The following SNTG1 variants were observed in gnomAD, a reference collection of about 807,000 sequenced individuals.
SNTG1 encodes syntrophin gamma 1.
A neutral mutation model predicts 74.7 loss-of-function variants in SNTG1; 39 were observed. That is an observed-to-expected ratio of 0.52 (90% confidence interval 0.40 to 0.68). SNTG1 has a LOEUF of 0.68. Among genes scored for constraint, SNTG1 ranks in the 30% least tolerant of loss-of-function variants. SNTG1 has a pLI of 0.00. For synonymous variants in SNTG1, 254 were observed against 217.1 expected, an observed-to-expected ratio of 1.17 and a Z score of -1.49; for missense variants, 685 against 609.5, an observed-to-expected ratio of 1.12 and a Z score of -1.30.
chr8:50,584,378 A>G (rs1350689759), intron 12 of SNTG1, among the ~76,000 whole-genome samples: 1 of 151,998 alleles, frequency 6.6e-6, no homozygotes, highest in East Asian at 1.9e-4. Flanking sequence ...TTACCGTCCC[A>G]CCAACAGCGT....
intron 1 of SNTG1, among the ~76,000 whole-genome samples, chr8:50,047,764 G>T (rs2130858081): frequency 6.6e-6 from 1 of 152,260 alleles, no homozygotes; most frequent in Middle Eastern, 3.4e-3. Context: ...ATAACAACCT[G>T]GGGGTGTCAC....
intron 1 of SNTG1, among the ~76,000 whole-genome samples, chr8:49,943,114 G>A (rs1301350988): frequency 6.6e-6 from 1 of 151,978 alleles, no homozygotes; most frequent in Non-Finnish European, 1.5e-5. Flanking sequence ...TTATTTTGTT[G>A]CTCAATATGT....
At chr8:49,962,390 A>G (rs1287977741) in intron 1 of SNTG1, among the ~76,000 whole-genome samples, 1 of 151,754 alleles carries the variant, frequency 6.6e-6, no homozygotes, top group African/African-American at 2.4e-5. Flanking sequence ...TGAGTAACAC[A>G]CACATACATG....
At chr8:50,421,056 G>GGGGGC (rs1554520683) in intron 4 of SNTG1, among the ~76,000 whole-genome samples, 1 of 116,882 alleles carries the variant, frequency 8.6e-6, no homozygotes, top group African/African-American at 3.0e-5. Context: ...CGGGGGAGGG[G>GGGGGC]GGGGCGAAGA....
chr8:50,207,544 G>T (rs905077546), intron 2 of SNTG1, among the ~76,000 whole-genome samples: 1 of 151,912 alleles, frequency 6.6e-6, no homozygotes, highest in Admixed American at 6.6e-5. Flanking sequence ...TTTTTGAAGG[G>T]TTTTTTTGTG....
At chr8:50,225,118 C>T (rs2085261783) in intron 2 of SNTG1, among the ~76,000 whole-genome samples, 1 of 152,000 alleles carries the variant, frequency 6.6e-6, no homozygotes. Context: ...CTACAGGCGC[C>T]CACCACCACG....
chr8:50,354,038 G>C (rs1426470439), intron 2 of SNTG1, among the ~76,000 whole-genome samples: 2 of 152,194 alleles, frequency 1.3e-5, no homozygotes, highest in Non-Finnish European at 2.9e-5. Context: ...GGGCAGACCA[G>C]TGAACTATTC....
chr8:50,154,076 A>G (rs1488654043), intron 1 of SNTG1, among the ~76,000 whole-genome samples: 2 of 151,856 alleles, frequency 1.3e-5, no homozygotes, highest in Non-Finnish European at 2.9e-5. Context: ...AGGCTGCTTT[A>G]TTTACCTACT....
chr8:50,669,700 C>G (rs895822003), intron 15 of SNTG1, among the ~76,000 whole-genome samples: 2 of 152,162 alleles, frequency 1.3e-5, no homozygotes, highest in Admixed American at 6.6e-5. Context: ...ATGAGGCCAG[C>G]ATCATCCTGA....
chr8:50,759,839 G>A (rs62518762), intron 18 of SNTG1, among the ~76,000 whole-genome samples: 2,296 of 152,104 alleles, frequency 0.015, 31 homozygotes, highest in Admixed American at 0.033. Flanking sequence ...CTCTTTTTTG[G>A]TTCCTTATGA....
At position 50,150,793 on chromosome 8, in the gene SNTG1, T is replaced by A. The variant is rs148869648; in HGVS notation, c.-102-21768T>A. On this transcript the variant is annotated intron_variant, in intron 1 of 18. Coordinates refer to ENST00000642720, the MANE Select transcript of SNTG1 (RefSeq NM_018967.5). ...ATCATGGTGGATAACCTTTTTGATG[T>A]GCTGCTGGATTCGGTTTGTCAGTAT... 3.6e-3 allele frequency among the ~76,000 whole-genome samples: 541 copies of A among 152,340 alleles called. 1 individual carries two copies. The highest frequency in any genetic ancestry group is 0.014 in the South Asian group (66 of 4,828).
At position 50,485,502 on chromosome 8, in the gene SNTG1, C is replaced by T. The variant is rs141230374; in HGVS notation, c.364-17276C>T. Among the ~76,000 whole-genome samples, 3 of 151,850 alleles carry T rather than the reference C, an allele frequency of 2.0e-5. No homozygotes were observed. The South Asian group carries it at 6.2e-4, about 32-fold the overall frequency. On this transcript the variant is annotated intron_variant, in intron 8 of 18. Coordinates refer to ENST00000642720, the MANE Select transcript of SNTG1 (RefSeq NM_018967.5). ...AGTGTCTGTTCATGTCCTTCACCCA[C>T]TTTTTGATGGGGTTGTTTGTTTTTT...
chr8:50,685,345 G>A (rs896570905), intron 15 of SNTG1, among the ~76,000 whole-genome samples: 4 of 152,126 alleles, frequency 2.6e-5, no homozygotes, highest in Non-Finnish European at 4.4e-5. Flanking sequence ...TAATAATGGT[G>A]TCCAGGAGTT....
At chr8:50,777,324 T>G (rs1272234051) in intron 18 of SNTG1, among the ~76,000 whole-genome samples, 1 of 149,820 alleles carries the variant, frequency 6.7e-6, no homozygotes, top group Non-Finnish European at 1.5e-5. Context: ...TTACAACTTT[T>G]ATTCTAACTG....
intron 1 of SNTG1, among the ~76,000 whole-genome samples, chr8:50,066,046 C>T (rs1363927187): frequency 6.6e-6 from 1 of 152,152 alleles, no homozygotes; most frequent in East Asian, 1.9e-4. Context: ...GAAACCCCGT[C>T]TCTACTAAAA....
At chr8:50,789,472 ACTT>A (rs1022354031) in intron 18 of SNTG1, among the ~76,000 whole-genome samples, 2 of 151,928 alleles carry the variant, frequency 1.3e-5, no homozygotes, top group African/African-American at 4.8e-5. Context: ...CAGAAGCTGA[ACTT>A]CTATTCTGAA....
chr8:50,280,985 C>CAAAAAAAAAAA (rs35973666), intron 2 of SNTG1, among the ~76,000 whole-genome samples: 22 of 75,422 alleles, frequency 2.9e-4, no homozygotes, highest in Admixed American at 4.6e-4. Flanking sequence ...AACCCAGTCT[C>CAAAAAAAAAAA]AAAAAAAAAA....
At chr8:50,763,648 TTGTGTGTGTGTGTGTGTGTGTGTGTGTG>T (rs141415804) in intron 18 of SNTG1, among the ~76,000 whole-genome samples, 5 of 117,096 alleles carry the variant, frequency 4.3e-5, no homozygotes, top group African/African-American at 1.7e-4. Context: ...ATTGCCTTTA[TTGTGTGTGTGTGTGTGTGTGTGTGTGTG>T]TGTGTGTGTG....
At chr8:50,517,794 TG>T (rs2094146887) in intron 9 of SNTG1, among the ~76,000 whole-genome samples, 3 of 152,014 alleles carry the variant, frequency 2.0e-5, no homozygotes, top group South Asian at 2.1e-4. Flanking sequence ...AGGAGCATGC[TG>T]ATTCATAAGG....
Sources: gnomAD v4.1 joint callset for allele counts (sites outside exome capture counted in the v4.1 genomes callset) on GRCh38, gnomAD v4.1.1 for gene constraint, MANE v1.5 for transcripts, NCBI Gene and HGNC (gene_info 2026-07-23, HGNC 2026-07-21) for gene names.